MGMT: variants seen among roughly 807,000 people sequenced by gnomAD.
The protein encoded by MGMT is methylated-DNA--protein-cysteine methyltransferase.
In MGMT, 14 loss-of-function variants were observed where a neutral mutation model predicts 15.9. That is an observed-to-expected ratio of 0.88 (90% confidence interval 0.58 to 1.37). The LOEUF (loss-of-function observed/expected upper bound fraction) is 1.37, where lower values mean the gene tolerates loss of function less well. MGMT is among the 40% of genes most tolerant of loss of function. MGMT has a pLI of 0.00. For missense variants in MGMT, 282 were observed against 268.1 expected (o/e 1.05, Z -0.36); for synonymous variants, 130 against 118.2 (o/e 1.10, Z -0.65).
At chr10:129,609,497 C>T (rs954402270) in intron 2 of MGMT, among the ~76,000 whole-genome samples, 1 of 152,180 alleles carries the variant, frequency 6.6e-6, no homozygotes, top group African/African-American at 2.4e-5. Flanking sequence ...GCTGGGGTAA[C>T]CCTAGGCGGT....
In MGMT at chr10:129,536,406, A is replaced by G. The variant is rs777852919; in HGVS notation, c.125+29A>G. The G allele has an allele frequency of 4.4e-6, 7 of 1,597,294 alleles. No individual in the cohort carries two copies. The East Asian group carries it at 1.6e-4, about 36-fold the overall frequency. On this transcript the variant is annotated intron_variant, in intron 2 of 4. Transcript: ENST00000651593. ...AGTATGAGCCCACGTGATCCTGTAT[A>G]CCGCACATGCTGAAGCAACCGAGGA...
At chr10:129,666,317 G>A (rs1159070337) in intron 2 of MGMT, among the ~76,000 whole-genome samples, 1 of 152,112 alleles carries the variant, frequency 6.6e-6, no homozygotes, top group East Asian at 1.9e-4. Context: ...GATTCAGGGT[G>A]CATTCACTAT....
At chr10:129,468,360 T>C (rs1209827151) in intron 1 of MGMT, among the ~76,000 whole-genome samples, 1 of 152,096 alleles carries the variant, frequency 6.6e-6, no homozygotes, top group Non-Finnish European at 1.5e-5. Flanking sequence ...TGATTGTTAA[T>C]ATCACGTTAA....
At chr10:129,488,040 C>CACACACACACA (rs1196132625) in intron 1 of MGMT, among the ~76,000 whole-genome samples, 1 of 148,486 alleles carries the variant, frequency 6.7e-6, no homozygotes, top group Non-Finnish European at 1.5e-5. Context: ...CACACACACA[C>CACACACACACA]ATGAATATAC....
chr10:129,476,716 T>G (rs1485636023), intron 1 of MGMT, among the ~76,000 whole-genome samples: 1 of 152,108 alleles, frequency 6.6e-6, no homozygotes, highest in African/African-American at 2.4e-5. Flanking sequence ...GCTGCAGGGC[T>G]TGGCTGGAAG....
At chr10:129,702,136 CG>C (rs1848106643) in intron 2 of MGMT, 1 of 152,164 alleles carries the variant, frequency 6.6e-6, no homozygotes, top group Non-Finnish European at 1.5e-5. Context: ...AGAATATCAC[CG>C]GGGCCTTCCA....
At chr10:129,501,313 ATC>A (rs1845572621) in intron 1 of MGMT, among the ~76,000 whole-genome samples, 1 of 152,140 alleles carries the variant, frequency 6.6e-6, no homozygotes, top group Non-Finnish European at 1.5e-5. Context: ...TGCCTTTATT[ATC>A]TCTAGGCCAA....
rs545851066 is a variant in MGMT, at chr10:129,535,961, C to T, written c.-12-280C>T. On this transcript the variant is annotated intron_variant, in intron 1 of 4. Transcript: ENST00000651593. Reference sequence around the variant, plus strand: ...GAGCTCTTACCAGGTCAGCTTCCTTCGGTGTTGCGTTGGTTAAAGATAAAC... The same window carrying T: ...GAGCTCTTACCAGGTCAGCTTCCTTTGGTGTTGCGTTGGTTAAAGATAAAC... 3.9e-5 allele frequency among the ~76,000 whole-genome samples: 6 copies of T among 152,282 alleles called. No homozygotes were observed. In the East Asian group the frequency reaches 1.2e-3, roughly 29 times the overall value.
At chr10:129,597,336 C>T (rs1336307377) in intron 2 of MGMT, among the ~76,000 whole-genome samples, 1 of 152,136 alleles carries the variant, frequency 6.6e-6, no homozygotes, top group Non-Finnish European at 1.5e-5. Context: ...AGTTGAGAAC[C>T]TTTGGGGACT....
At chr10:129,495,658 A>G (rs1845513120) in intron 1 of MGMT, among the ~76,000 whole-genome samples, 3 of 152,338 alleles carry the variant, frequency 2.0e-5, no homozygotes, top group Middle Eastern at 3.4e-3. Context: ...ACGATATCAC[A>G]CAAAGGCAGA....
At chr10:129,628,480 G>A (rs1180493670) in intron 2 of MGMT, among the ~76,000 whole-genome samples, 2 of 152,158 alleles carry the variant, frequency 1.3e-5, no homozygotes, top group Non-Finnish European at 2.9e-5. Flanking sequence ...AGCTGGTCTT[G>A]AGTCCTGGTA....
chr10:129,623,101 A>G (rs1353472891), intron 2 of MGMT, among the ~76,000 whole-genome samples: 1 of 152,166 alleles, frequency 6.6e-6, no homozygotes, highest in Non-Finnish European at 1.5e-5. Flanking sequence ...GTGGCTGATT[A>G]CTCTGCGTAG....
chr10:129,507,885 C>A (rs899193096), intron 1 of MGMT, among the ~76,000 whole-genome samples: 1 of 152,176 alleles, frequency 6.6e-6, no homozygotes, highest in Admixed American at 6.5e-5. Flanking sequence ...AGCAAACAAG[C>A]CGAAAGCTTT....
chr10:129,501,804 C>A (rs1845577262), intron 1 of MGMT, among the ~76,000 whole-genome samples: 1 of 152,214 alleles, frequency 6.6e-6, no homozygotes, highest in African/African-American at 2.4e-5. Flanking sequence ...CTGTGGTAGA[C>A]CAGGGAGGCA....
chr10:129,478,031 C>G (rs1342132470), intron 1 of MGMT, among the ~76,000 whole-genome samples: 1 of 152,138 alleles, frequency 6.6e-6, no homozygotes, highest in African/African-American at 2.4e-5. Context: ...GAATAGGGGA[C>G]AGCAGGCAAG....
At chr10:129,661,244 C>T (rs1437483340) in intron 2 of MGMT, among the ~76,000 whole-genome samples, 1 of 151,060 alleles carries the variant, frequency 6.6e-6, no homozygotes, top group Non-Finnish European at 1.5e-5. Context: ...GTGTTATGAA[C>T]ATTTGTGTAT....
chr10:129,770,003 T>C lies in MGMT; in HGVS notation c.*3006T>C, dbSNP rs773768257. 2.0e-5 allele frequency among the ~76,000 whole-genome samples: 3 copies of C among 152,126 alleles called. No homozygotes were observed. Among genetic ancestry groups the C allele is most frequent in the Non-Finnish European group, 4.4e-5 (3 of 68,020 alleles). On this transcript the variant is annotated 3_prime_UTR_variant, in exon 5 of 5. Transcript: ENST00000651593. ...AGAGAACTTACTTGGGGTTTGTAATTTGTATACACTTCTTACCCAGCAGAA... is the reference window on the plus strand; with the variant it reads ...AGAGAACTTACTTGGGGTTTGTAATCTGTATACACTTCTTACCCAGCAGAA...
intron 2 of MGMT, among the ~76,000 whole-genome samples, chr10:129,612,853 C>T (rs986258454): frequency 1.3e-5 from 2 of 152,160 alleles, no homozygotes; most frequent in South Asian, 4.1e-4. Context: ...CTGCCTCTTC[C>T]GTCCCCCTCG....
At chr10:129,515,282 T>C (rs1275448444) in intron 1 of MGMT, among the ~76,000 whole-genome samples, 2 of 152,200 alleles carry the variant, frequency 1.3e-5, no homozygotes, top group Non-Finnish European at 2.9e-5. Context: ...GAGCAGCAGC[T>C]GCGGCCCTGG....
Sources: gnomAD v4.1 joint callset for allele counts (sites outside exome capture counted in the v4.1 genomes callset) on GRCh38, gnomAD v4.1.1 for gene constraint, MANE v1.5 for transcripts, NCBI Gene and HGNC (gene_info 2026-07-23, HGNC 2026-07-21) for gene names.